The following TAF1A variants were observed in gnomAD, a reference collection of about 807,000 sequenced individuals.
TAF1A encodes the protein TATA-box binding protein associated factor, RNA polymerase I subunit A.
Under a neutral mutation model 61.6 loss-of-function variants are expected in TAF1A, and 42 were observed. The ratio of observed to expected loss-of-function variants is 0.68; its 90% CI spans 0.53 to 0.88. The LOEUF (loss-of-function observed/expected upper bound fraction) is 0.88. Among genes scored for constraint, TAF1A ranks in the 40% least tolerant of loss-of-function variants. The pLI is 0.00. For synonymous variants in TAF1A, 179 were observed against 177.7 expected (o/e 1.01, Z -0.06); for missense variants, 424 against 518.7 (o/e 0.82, Z 1.77).
intron 7 of TAF1A, among the ~76,000 whole-genome samples, chr1:222,566,699 GCTCA>G (rs1660129911): frequency 6.6e-6 from 1 of 152,134 alleles, no homozygotes; most frequent in Non-Finnish European, 1.5e-5. Context: ...CTTGCCTGAT[GCTCA>G]CTTTCTGCTG....
At position 222,563,218 on chromosome 1, in the gene TAF1A, GT is replaced by G; in HGVS notation, c.1039del (p.Thr347LeufsTer10). 2 of 1,612,734 alleles carry G rather than the reference GT, an allele frequency of 1.2e-6. No individual in the cohort carries two copies. Among genetic ancestry groups the G allele is most frequent in the Non-Finnish European group, 1.7e-6 (2 of 1,179,178 alleles). On this transcript the variant is annotated frameshift_variant, in exon 9 of 11. Coordinates refer to ENST00000352967, the MANE Select transcript of TAF1A (RefSeq NM_005681.4). LOFTEE classifies it high-confidence loss of function. ...ATATTTTGCCAAGTATTTCCAAGCA[GT>G]TATATTCTTAGTGCATCCGGCAAAA... ...LDFAGCTKNI[T>X]AWKYLAKYLK...
At chr1:222,561,168 C>A (rs889346088) in intron 10 of TAF1A, among the ~76,000 whole-genome samples, 196 bp downstream of exon 10, 11 of 152,124 alleles carry the variant, frequency 7.2e-5, no homozygotes, top group Non-Finnish European at 1.2e-4. Context: ...AAACCGTTCA[C>A]AATCAATATG....
Position 222,584,211 on chromosome 1 carries a change from A to G in TAF1A, c.208T>C (p.Trp70Arg), listed in dbSNP as rs1335947997. 2 of 1,613,042 alleles carry G rather than the reference A, an allele frequency of 1.2e-6. No individual in the cohort carries two copies. The highest frequency in any genetic ancestry group is 1.7e-6 in the Non-Finnish European group (2 of 1,179,744). The change falls in exon 3 of 11, where the codon TGG becomes CGG. Residue 70 changes from tryptophan to arginine, a missense_variant. Trp to Arg is a moderately radical substitution (Grantham distance 101). Coordinates refer to ENST00000352967, the MANE Select transcript of TAF1A (RefSeq NM_005681.4). ...FIQEALLKHQWQQAAEYMYSY... is the reference protein window; with the variant it reads ...FIQEALLKHQRQQAAEYMYSY... ...TACATGTATTCTGCAGCTTGCTGCC[A>G]TTGGTGCTTCAGCAGAGCTTCTTGG...
chr1:222,561,413 T>G lies in TAF1A; in HGVS notation c.1191A>C (p.Thr397=). The G allele has an allele frequency of 6.2e-7, 1 of 1,612,496 alleles. No individual in the cohort carries two copies. Among genetic ancestry groups the G allele is most frequent in the Non-Finnish European group, 8.5e-7 (1 of 1,179,280 alleles). The change falls in exon 10 of 11, where the codon ACA becomes ACC. Residue 397 remains threonine (T), a synonymous_variant. Transcript: ENST00000352967. ...CAAAAGCTTTCTCACAGGCCAAAGC[T>G]GTATCTTCCTTCCAATCACTTTTTG... ...FWAKSDWKED[T]ALACEKAFVA...
In TAF1A at chr1:222,584,808, T is replaced by C. The variant is rs1294973367; in HGVS notation, c.122-511A>G. On this transcript the variant is annotated intron_variant, in intron 2 of 10. Transcript: ENST00000352967. ...AATTAGCATTTATATCTCTAAAGTA[T>C]TGGCAATCCCAATGTTAAGAACATT... is the stretch of plus-strand genomic sequence containing the variant. Among the ~76,000 whole-genome samples, 3 of 152,332 alleles carry C rather than the reference T, an allele frequency of 2.0e-5. No individual in the cohort carries two copies. The East Asian group carries it at 5.8e-4, about 29-fold the overall frequency.
rs367687757 is a variant in TAF1A, at chr1:222,581,916, T to C, written c.292-2044A>G. Among the ~76,000 whole-genome samples, 18 of 152,330 alleles carry C rather than the reference T, an allele frequency of 1.2e-4. 1 individual carries two copies. In the South Asian group the frequency reaches 3.5e-3, roughly 30 times the overall value. On this transcript the variant is annotated intron_variant, in intron 3 of 10. Transcript: ENST00000352967. ...GACCAGAAATGTTTCAGACTTGAAATTGTTTCCGCTTTTTAAATATTTGTA... is the reference window on the plus strand; with the variant it reads ...GACCAGAAATGTTTCAGACTTGAAACTGTTTCCGCTTTTTAAATATTTGTA...
Position 222,579,842 on chromosome 1 carries a change from A to G in TAF1A, c.322T>C (p.Phe108Leu). The change falls in exon 4 of 11, where the codon TTT (phenylalanine) becomes CTT (leucine). Residue 108 changes from phenylalanine to leucine, a missense_variant. By Grantham distance (22) the Phe-to-Leu change is conservative (BLOSUM62 0). Transcript: ENST00000352967. ...IIWKLGSEIL[F>L]YHPKSNMESF... ...TCCATGTTGCTTTTGGGATGATAAAATAGAATTTCACTTCCGAGCTTCCAA... is the reference window on the plus strand; with the variant it reads ...TCCATGTTGCTTTTGGGATGATAAAGTAGAATTTCACTTCCGAGCTTCCAA... 6.2e-7 allele frequency: 1 copy of G among 1,607,000 alleles called. No homozygotes were observed. The highest frequency in any genetic ancestry group is 1.1e-5 in the South Asian group (1 of 88,494).
chr1:222,570,651 C>T lies in TAF1A; in HGVS notation c.619G>A (p.Ala207Thr). Residue 207 changes from alanine (A) to threonine (T), a missense_variant, in exon 6 of 11, where the codon GCT (alanine) becomes ACT (threonine). Coordinates refer to ENST00000352967, the MANE Select transcript of TAF1A (RefSeq NM_005681.4). ...ELSKLDKDDYAYNAVAQDVFN... is the reference protein window; with the variant it reads ...ELSKLDKDDYTYNAVAQDVFN... Reference sequence around the variant, plus strand: ...ACATCCTGGGCTACTGCATTGTAAGCATAATCATCCTTATCTGCCCAAAGA... The same window carrying T: ...ACATCCTGGGCTACTGCATTGTAAGTATAATCATCCTTATCTGCCCAAAGA... 1 of 1,606,704 alleles carries T rather than the reference C, an allele frequency of 6.2e-7. No individual in the cohort carries two copies. Among genetic ancestry groups the T allele is most frequent in the Non-Finnish European group, 8.5e-7 (1 of 1,174,992 alleles).
At chr1:222,572,729 C>T (rs1210345281) in intron 5 of TAF1A, among the ~76,000 whole-genome samples, 1 of 152,144 alleles carries the variant, frequency 6.6e-6, no homozygotes, top group Admixed American at 6.5e-5. Flanking sequence ...ATAAATGCTA[C>T]AACTGGATAT....
At chr1:222,577,284 T>C (rs113017227) in intron 5 of TAF1A, among the ~76,000 whole-genome samples, 161 bp downstream of exon 5, 27 of 152,336 alleles carry the variant, frequency 1.8e-4, no homozygotes, top group Non-Finnish European at 3.4e-4. Context: ...AAGCTTTTTA[T>C]ATATCAGAAA....
chr1:222,573,555 A>G (rs967359469), intron 5 of TAF1A, among the ~76,000 whole-genome samples: 2 of 152,218 alleles, frequency 1.3e-5, no homozygotes, highest in Non-Finnish European at 2.9e-5. Flanking sequence ...ACAAGATGCC[A>G]TTTCACACCC....
chr1:222,588,621 G>C, intron 1 of TAF1A, 56 bp from the exon 2 acceptor site: 1 of 1,549,170 alleles, frequency 6.5e-7, no homozygotes, highest in Middle Eastern at 1.7e-4. Flanking sequence ...ACAGTCTTCT[G>C]AGTTGTACAG....
intron 2 of TAF1A, among the ~76,000 whole-genome samples, chr1:222,586,960 A>G (rs1303884075): frequency 1.3e-5 from 2 of 152,258 alleles, no homozygotes; most frequent in Admixed American, 1.3e-4. Flanking sequence ...ATTCCTAAGC[A>G]TGTAAATTTT....
rs143557200 is a variant in TAF1A at position 222,558,709 on chromosome 1, C to A, written c.1304G>T (p.Arg435Leu). ...GTATTTTTTCACAGATCTCTTCATC[C>A]GCTTAATTTTCTTCCCTAAGATTTG... ...DHQILGKKIK[R>L]MKRSVKKYSI... Residue 435 changes from arginine to leucine, a missense_variant, in exon 11 of 11, where the codon CGG (arginine) becomes CTG (leucine). By Grantham distance (102) the Arg-to-Leu change is moderately radical. Coordinates refer to ENST00000352967, the MANE Select transcript of TAF1A (RefSeq NM_005681.4). 2.5e-6 allele frequency: 4 copies of A among 1,577,350 alleles called. No homozygotes were observed. The highest frequency in any genetic ancestry group is 3.4e-6 in the Non-Finnish European group (4 of 1,160,706).
chr1:222,567,024 A>G (rs553337930), intron 7 of TAF1A, among the ~76,000 whole-genome samples: 83 of 152,344 alleles, frequency 5.4e-4, no homozygotes, highest in South Asian at 1.0e-3. Context: ...CATTACTTAT[A>G]ATAGCCAAAC....
At chr1:222,581,129 C>T (rs1240264251) in intron 3 of TAF1A, among the ~76,000 whole-genome samples, 3 of 152,086 alleles carry the variant, frequency 2.0e-5, no homozygotes, top group Non-Finnish European at 2.9e-5. Flanking sequence ...ATAAAAGATA[C>T]TCTGACTCAA....
At chr1:222,585,628 C>T (rs1457092223) in intron 2 of TAF1A, among the ~76,000 whole-genome samples, 1 of 152,100 alleles carries the variant, frequency 6.6e-6, no homozygotes, top group East Asian at 1.9e-4. Context: ...ACGTTTAATA[C>T]ACGTTATATT....
intron 9 of TAF1A, 150 bp downstream of exon 9, chr1:222,563,023 C>T: frequency 1.3e-6 from 1 of 771,674 alleles, no homozygotes. Flanking sequence ...TATTTCTTTG[C>T]TTCAGAAGAA....
At chr1:222,557,296 G>C (rs964656552), downstream of TAF1A, among the ~76,000 whole-genome samples, 1 of 152,160 alleles carries the variant, frequency 6.6e-6, no homozygotes, top group Non-Finnish European at 1.5e-5. Context: ...ATAAAGCTCA[G>C]CTCATGTTCC....
Sources: allele counts gnomAD v4.1 joint callset (sites outside exome capture counted in the v4.1 genomes callset), GRCh38; gene constraint gnomAD v4.1.1; transcripts MANE v1.5; gene names NCBI Gene and HGNC (gene_info 2026-07-23, HGNC 2026-07-21).